The following MAGI1 variants were observed in gnomAD, a reference collection of about 807,000 sequenced individuals.
MAGI1 encodes the protein membrane associated guanylate kinase, WW and PDZ domain containing 1.
Under a neutral mutation model 139.9 loss-of-function variants are expected in MAGI1, and 58 were observed. That is an observed-to-expected ratio of 0.41 (90% confidence interval 0.34 to 0.52). The LOEUF (loss-of-function observed/expected upper bound fraction) is 0.52, where lower values mean the gene tolerates loss of function less well. Among genes scored for constraint, MAGI1 ranks in the 20% least tolerant of loss-of-function variants. The probability of loss-of-function intolerance (pLI) is 0.12; values close to 1 mark genes in which losing one functional copy is unlikely to be tolerated. For missense variants in MAGI1, 1,874 were observed against 1,901.6 expected (o/e 0.99, Z 0.27); for synonymous variants, 812 against 737.9 (o/e 1.10, Z -1.63).
At chr3:65,359,419 T>C in intron 22 of MAGI1, 1 of 1,201,128 alleles carries the variant, frequency 8.3e-7, no homozygotes, top group Non-Finnish European at 1.0e-6. Context: ...GCATCCTTTT[T>C]TGTTTTGTTT....
At chr3:65,779,270 G>C (rs533619122) in intron 1 of MAGI1, among the ~76,000 whole-genome samples, 96 of 152,252 alleles carry the variant, frequency 6.3e-4, no homozygotes, top group African/African-American at 2.2e-3. Context: ...GCGTTAATGT[G>C]AGTGGCCCTC....
chr3:65,609,273 T>A (rs1288939454), intron 2 of MAGI1, among the ~76,000 whole-genome samples: 1 of 149,606 alleles, frequency 6.7e-6, no homozygotes, highest in Non-Finnish European at 1.5e-5. Flanking sequence ...TCTCTCTCTC[T>A]CTCTTTTTTT....
chr3:65,599,179 T>C (rs555478140), intron 2 of MAGI1, among the ~76,000 whole-genome samples: 10 of 152,024 alleles, frequency 6.6e-5, no homozygotes, highest in African/African-American at 2.4e-4. Context: ...CTGGGGTATG[T>C]TGGGGGAGGC....
chr3:65,833,291 G>A (rs1329776305), intron 1 of MAGI1, among the ~76,000 whole-genome samples: 2 of 151,998 alleles, frequency 1.3e-5, no homozygotes, highest in Non-Finnish European at 2.9e-5. Context: ...GCTAATTTTT[G>A]TAGTTTTAGT....
At chr3:65,919,685 C>G (rs952803239) in intron 1 of MAGI1, among the ~76,000 whole-genome samples, 1 of 138,082 alleles carries the variant, frequency 7.2e-6, no homozygotes, top group African/African-American at 2.9e-5. Context: ...CTCCTTCTCT[C>G]TCTCTCTCTC....
chr3:65,940,059 A>C (rs2063234944), intron 1 of MAGI1, among the ~76,000 whole-genome samples: 2 of 152,302 alleles, frequency 1.3e-5, no homozygotes, highest in South Asian at 4.1e-4. Flanking sequence ...TTAGAAACAG[A>C]ATTTCTACAT....
In MAGI1 at chr3:65,880,622, T is replaced by C. The variant is rs113204695; in HGVS notation, c.313+157374A>G. ...ATATGAAATGGCCATGTCATAAAAG[T>C]AGCATTCCACGCTTCAAACTTGAGG... On this transcript the variant is annotated intron_variant, in intron 1 of 22. Coordinates refer to ENST00000402939, the MANE Select transcript of MAGI1 (RefSeq NM_001033057.2). Among the ~76,000 whole-genome samples, 448 of 152,208 alleles carry C rather than the reference T, an allele frequency of 2.9e-3. 1 individual carries two copies. The highest frequency in any genetic ancestry group is 0.01 in the African/African-American group (420 of 41,524).
At chr3:65,779,467 T>C (rs1188607840) in intron 1 of MAGI1, among the ~76,000 whole-genome samples, 1 of 152,252 alleles carries the variant, frequency 6.6e-6, no homozygotes, top group African/African-American at 2.4e-5. Context: ...GCAATGCAGT[T>C]TTCTTTGCCT....
chr3:65,804,906 C>T (rs2040752192), intron 1 of MAGI1, among the ~76,000 whole-genome samples: 1 of 152,134 alleles, frequency 6.6e-6, no homozygotes, highest in African/African-American at 2.4e-5. Flanking sequence ...GAAACTGGAA[C>T]CCTTCCTTAC....
chr3:65,435,374 T>G (rs891510802), intron 10 of MAGI1, among the ~76,000 whole-genome samples: 1 of 152,170 alleles, frequency 6.6e-6, no homozygotes, highest in Non-Finnish European at 1.5e-5. Context: ...CACTAAGCAT[T>G]TGGCACTCAG....
intron 1 of MAGI1, among the ~76,000 whole-genome samples, chr3:65,846,255 T>C (rs1414305802): frequency 6.6e-6 from 1 of 152,236 alleles, no homozygotes; most frequent in East Asian, 1.9e-4. Context: ...ACTCCTAAAG[T>C]TGGCTAGAGT....
At chr3:65,941,068 G>C (rs1006536675) in intron 1 of MAGI1, among the ~76,000 whole-genome samples, 1 of 152,120 alleles carries the variant, frequency 6.6e-6, no homozygotes, top group African/African-American at 2.4e-5. Context: ...TGCCCCTGCC[G>C]GGCACGGTGG....
intron 2 of MAGI1, among the ~76,000 whole-genome samples, chr3:65,546,300 C>G (rs910198997): frequency 2.0e-5 from 3 of 152,136 alleles, no homozygotes; most frequent in Non-Finnish European, 2.9e-5. Context: ...TCTCAGTGGG[C>G]CATTCCATAC....
At chr3:65,842,175 G>A (rs1261767759) in intron 1 of MAGI1, among the ~76,000 whole-genome samples, 3 of 152,112 alleles carry the variant, frequency 2.0e-5, no homozygotes, top group African/African-American at 7.2e-5. Flanking sequence ...TAGAGAGCAA[G>A]AAGAAACTGA....
intron 1 of MAGI1, among the ~76,000 whole-genome samples, chr3:65,801,196 G>A (rs529409959): frequency 6.6e-6 from 1 of 152,220 alleles, no homozygotes; most frequent in East Asian, 1.9e-4. Context: ...AATAAAATAG[G>A]AAGTCAAGAA....
chr3:65,785,445 A>T (rs777840935), intron 1 of MAGI1, among the ~76,000 whole-genome samples: 1 of 152,216 alleles, frequency 6.6e-6, no homozygotes, highest in Non-Finnish European at 1.5e-5. Context: ...TTATACACAG[A>T]TAAAAAGTAA....
chr3:65,408,437 A>T (rs1945527679), intron 12 of MAGI1, among the ~76,000 whole-genome samples: 1 of 152,164 alleles, frequency 6.6e-6, no homozygotes, highest in African/African-American at 2.4e-5. Context: ...CCATGCTTTT[A>T]TTTGTTGGGG....
intron 6 of MAGI1, among the ~76,000 whole-genome samples, chr3:65,449,037 GATGA>G (rs1028659293): frequency 1.9e-4 from 27 of 145,936 alleles, no homozygotes; most frequent in African/African-American, 6.0e-4. Context: ...AATATTTCTT[GATGA>G]ATGAATGAAT....
At chr3:65,586,817 G>A (rs975631013) in intron 2 of MAGI1, among the ~76,000 whole-genome samples, 4 of 151,316 alleles carry the variant, frequency 2.6e-5, no homozygotes, top group East Asian at 1.9e-4. Flanking sequence ...AGAACAGTTC[G>A]CTCCAATATC....
Sources: allele counts gnomAD v4.1 joint callset (sites outside exome capture counted in the v4.1 genomes callset), GRCh38; gene constraint gnomAD v4.1.1; transcripts MANE v1.5; gene names NCBI Gene and HGNC (gene_info 2026-07-23, HGNC 2026-07-21).